The following TTC21A variants were observed in gnomAD, a reference collection of about 807,000 sequenced individuals.
TTC21A encodes the protein tetratricopeptide repeat protein 21A.
Under a neutral mutation model 156.4 loss-of-function variants are expected in TTC21A, and 128 were observed. That is an observed-to-expected ratio of 0.82 (90% confidence interval 0.71 to 0.95). TTC21A has a LOEUF of 0.95. Ranked by LOEUF, TTC21A falls within the 40% of genes least tolerant of loss-of-function variation. The pLI, the probability that TTC21A is intolerant of heterozygous loss-of-function variation, is 0.00. For missense variants in TTC21A, 1,435 were observed against 1,602.3 expected, an observed-to-expected ratio of 0.90 and a Z score of 1.78; for synonymous variants, 587 against 617.1, an observed-to-expected ratio of 0.95 and a Z score of 0.72.
chr3:39,124,654 G>T (rs140850331), intron 9 of TTC21A, among the ~76,000 whole-genome samples: 6 of 21,612 alleles, frequency 2.8e-4, no homozygotes, highest in African/African-American at 3.9e-4. Context: ...GCGAAACTCC[G>T]TCTCAAAAAA....
In TTC21A at chr3:39,138,577, A is replaced by C. The variant is rs780214137; in HGVS notation, c.3818A>C (p.Tyr1273Ser). 49 of 1,614,136 alleles carry C rather than the reference A, an allele frequency of 3.0e-5. 2 individuals are homozygous for C. The South Asian group carries it at 5.1e-4, about 17-fold the overall frequency. The change falls in exon 28 of 29, where the codon TAC (tyrosine) becomes TCC (serine). Residue 1273 changes from tyrosine (Y) to serine (S), a missense_variant. By Grantham distance (144) the Tyr-to-Ser change is moderately radical. Transcript: ENST00000683103. ...PAIGFKLAFN[Y>S]LKDKKFVEAI... ...GTAGGCTTCAAACTTGCTTTCAACT[A>C]CCTGAAGGACAAGAAATTTGTGGAG...
chr3:39,126,377 C>G lies in TTC21A; in HGVS notation c.1509C>G (p.Val503=). Residue 503 remains valine (V), a synonymous_variant, in exon 12 of 29, where the codon GTC becomes GTG. Coordinates refer to ENST00000683103, the MANE Select transcript of TTC21A (RefSeq NM_001366900.1). ...LIDPLYLMAQ[V]RYYSGELENA... Reference sequence around the variant, plus strand: ...ACCCCCTGTATTTGATGGCTCAGGTCAGGTATTACTCAGGTGAGCGGGGGA... The same window carrying G: ...ACCCCCTGTATTTGATGGCTCAGGTGAGGTATTACTCAGGTGAGCGGGGGA... 2 of 1,613,162 alleles carry G rather than the reference C, an allele frequency of 1.2e-6. No homozygotes were observed. Among genetic ancestry groups the G allele is most frequent in the Non-Finnish European group, 1.7e-6 (2 of 1,179,530 alleles).
intron 8 of TTC21A, among the ~76,000 whole-genome samples, 170 bp from the exon 9 acceptor site, chr3:39,120,827 C>G (rs936192920): frequency 6.6e-6 from 1 of 152,186 alleles, no homozygotes; most frequent in Non-Finnish European, 1.5e-5. Flanking sequence ...TGAGAGGTTC[C>G]TTGGGAGCCA....
intron 10 of TTC21A, 68 bp from the exon 11 acceptor site, chr3:39,125,264 C>A: frequency 6.4e-7 from 1 of 1,566,960 alleles, no homozygotes; most frequent in Non-Finnish European, 8.8e-7. Flanking sequence ...TGGACCTTCA[C>A]TTTGCCCTTG....
rs374487748 is a variant in TTC21A, at chr3:39,137,500, T to C, written c.3465T>C (p.Pro1155=). Reference sequence around the variant, plus strand: ...CTGGTGTGTAGAAGGACAGCGTCCCTGCCCTGCTGGCCTTGGCACAAGCCT... The same window carrying C: ...CTGGTGTGTAGAAGGACAGCGTCCCCGCCCTGCTGGCCTTGGCACAAGCCT... ...QIAQAEKDSV[P]ALLALAQAYV... is the part of the protein sequence containing the mutation. Residue 1155 remains proline (P), a synonymous_variant, in exon 26 of 29, where the codon CCT becomes CCC. Coordinates refer to ENST00000683103, the MANE Select transcript of TTC21A (RefSeq NM_001366900.1). The C allele has an allele frequency of 1.5e-5, 24 of 1,614,122 alleles. No individual in the cohort carries two copies. Among genetic ancestry groups the C allele is most frequent in the Non-Finnish European group, 1.9e-5 (23 of 1,180,048 alleles).
chr3:39,125,526 C>T lies in TTC21A; in HGVS notation c.1386C>T (p.Pro462=). Residue 462 remains proline, a synonymous_variant, in exon 11 of 29, where the codon CCC becomes CCT. Transcript: ENST00000683103. The part of the protein sequence containing the change: ...CIAKEYLLFC[P]KQPRLPGQIV... ...CTAAGGAGTACTTGCTCTTCTGCCC[C>T]AAGCAGGTTAGGGGAAGGCCTGTCT... is the stretch of plus-strand genomic sequence containing the variant. 1 of 1,611,842 alleles carries T rather than the reference C, an allele frequency of 6.2e-7. No individual in the cohort carries two copies. The highest frequency in any genetic ancestry group is 8.5e-7 in the Non-Finnish European group (1 of 1,177,968).
rs1004634958 is a variant in TTC21A at position 39,120,598 on chromosome 3, C to T, written c.901-399C>T. 3.3e-5 allele frequency among the ~76,000 whole-genome samples: 5 copies of T among 152,280 alleles called. No homozygotes were observed. The South Asian group carries it at 8.3e-4, about 25-fold the overall frequency. ...CTGTGGAGTTGCATAGGCACCATCT[C>T]TCCCTCTGTATGTCTGATTCTCTCT... On this transcript the variant is annotated intron_variant, in intron 8 of 28. Coordinates refer to ENST00000683103, the MANE Select transcript of TTC21A (RefSeq NM_001366900.1).
At chr3:39,132,985 T>C in intron 19 of TTC21A, 67 bp from the exon 20 acceptor site, 3 of 1,559,120 alleles carry the variant, frequency 1.9e-6, no homozygotes, top group Non-Finnish European at 2.6e-6. Context: ...ATTAAGAACT[T>C]AGGACTTTCT....
chr3:39,134,159 A>G lies in TTC21A; in HGVS notation c.2752-59A>G. ...GTGAGGGAAAGAGCTGTCAAGGATA[A>G]CCCCAGGGGTTTCCCATGGTGTTTA... On this transcript the variant is annotated intron_variant, in intron 20 of 28. Transcript: ENST00000683103. The surrounding 1 kb of genome is among the most constrained non-coding windows in gnomAD (Gnocchi z 4.6). 1 of 1,100,938 alleles carries G rather than the reference A, an allele frequency of 9.1e-7. No homozygotes were observed. The highest frequency in any genetic ancestry group is 1.4e-6 in the Non-Finnish European group (1 of 716,538). The allele number at this position is 1,100,938 out of a possible 1,614,324, so 68.2% of individuals were successfully genotyped here.
chr3:39,136,226 CTGGAGCTGT>C, intron 22 of TTC21A, 122 bp from the exon 23 acceptor site: 2 of 864,338 alleles, frequency 2.3e-6, no homozygotes, highest in Non-Finnish European at 3.6e-6. Flanking sequence ...AGTGGAGACT[CTGGAGCTGT>C]TGGAATGTCC....
At chr3:39,125,273 T>C in intron 10 of TTC21A, 59 bp from the exon 11 acceptor site, 1 of 1,584,240 alleles carries the variant, frequency 6.3e-7, no homozygotes, top group Non-Finnish European at 8.7e-7. Context: ...ACTTTGCCCT[T>C]GCCTACCAAA....
At chr3:39,135,037 C>CACCCTT in intron 21 of TTC21A, 56 bp from the exon 22 acceptor site, 1 of 1,300,356 alleles carries the variant, frequency 7.7e-7, no homozygotes, top group Non-Finnish European at 1.1e-6. Context: ...CCTCCCCCTA[C>CACCCTT]ACCCATGCAA....
Position 39,134,843 on chromosome 3 carries a change from T to G in TTC21A, c.2863-250T>G. 1.7e-6 allele frequency: 1 copy of G among 580,776 alleles called. No individual in the cohort carries two copies. 36.0% of individuals were successfully genotyped at this position (580,776 alleles called of 1,614,324 possible). On this transcript the variant is annotated intron_variant, in intron 21 of 28. Transcript: ENST00000683103. This position sits in a 1 kb window ranked among gnomAD's most constrained non-coding sequence, Gnocchi z 4.6. ...ACTGGTCTCTACCACTAGTCTTACC[T>G]TCCCATGTACATCCTCAACCCAACT... is the stretch of plus-strand genomic sequence containing the variant.
intron 3 of TTC21A, chr3:39,110,514 C>A (rs575291429): frequency 1.4e-5 from 7 of 502,054 alleles, no homozygotes; most frequent in Non-Finnish European, 2.5e-5. Context: ...AGAGAGACTA[C>A]AGACTACTAT....
rs1329659958 is a variant in TTC21A at position 39,137,189 on chromosome 3, C to T, written c.3258-6C>T. 6.2e-7 allele frequency: 1 copy of T among 1,611,024 alleles called. No homozygotes were observed. Among genetic ancestry groups the T allele is most frequent in the South Asian group, 1.1e-5 (1 of 90,848 alleles). On this transcript the variant is annotated splice_region_variant and splice_polypyrimidine_tract_variant and intron_variant, in intron 24 of 28. Coordinates refer to ENST00000683103, the MANE Select transcript of TTC21A (RefSeq NM_001366900.1). Reference sequence around the variant, plus strand: ...TGTGTCTGATACCCAGGTCTAACACCTGCAGCTACATGGAGAAGAAGGAGT... The same window carrying T: ...TGTGTCTGATACCCAGGTCTAACACTTGCAGCTACATGGAGAAGAAGGAGT...
intron 5 of TTC21A, among the ~76,000 whole-genome samples, chr3:39,112,867 G>GAGGTCAA (rs1301807627): frequency 6.6e-6 from 1 of 152,090 alleles, no homozygotes; most frequent in Non-Finnish European, 1.5e-5. Flanking sequence ...GACCCTCTCA[G>GAGGTCAA]GCTTTCTCTC....
chr3:39,138,518 C>T (rs1039745030), intron 27 of TTC21A, 38 bp from the exon 28 acceptor site: 2 of 1,614,060 alleles, frequency 1.2e-6, no homozygotes. Context: ...CTCAGGTCAC[C>T]AGGGTGCCAC....
At chr3:39,135,300 C>T (rs1392587825) in intron 22 of TTC21A, 126 bp downstream of exon 22, 6 of 824,492 alleles carry the variant, frequency 7.3e-6, no homozygotes, top group Non-Finnish European at 1.2e-5. Context: ...CCTGATTGTT[C>T]CAGAGAAGCA....
At chr3:39,125,041 C>G in intron 9 of TTC21A, 22 bp from the exon 10 acceptor site, 1 of 1,511,554 alleles carries the variant, frequency 6.6e-7, no homozygotes, top group Non-Finnish European at 9.2e-7. Flanking sequence ...AGCTGCTCAT[C>G]ATTGTTTTGT....
Sources: gnomAD v4.1 joint callset for allele counts (sites outside exome capture counted in the v4.1 genomes callset) on GRCh38, gnomAD v4.1.1 for gene constraint, Gnocchi (gnomAD v3.1) non-coding constraint, MANE v1.5 for transcripts, NCBI Gene and HGNC (gene_info 2026-07-23, HGNC 2026-07-21) for gene names.